COMMD10: variants seen among roughly 807,000 people sequenced by gnomAD.
COMMD10 encodes the protein COMM domain containing 10, also known as COMM domain-containing protein 10.
COMMD10 carries 33 observed loss-of-function variants against 28.9 expected under a neutral mutation model. That is an observed-to-expected ratio of 1.14 (90% CI 0.87 to 1.53). The LOEUF is 1.53. COMMD10 is among the 40% of genes most tolerant of loss of function. The pLI is 0.00. For synonymous variants in COMMD10, 110 were observed against 81.7 expected (o/e 1.35, Z -1.87); for missense variants, 310 against 233.4 (o/e 1.33, Z -2.14).
intron 5 of COMMD10, among the ~76,000 whole-genome samples, chr5:116,143,338 T>A (rs113275824): frequency 8.9e-4 from 135 of 151,834 alleles, no homozygotes; most frequent in African/African-American, 3.1e-3. Flanking sequence ...ATACACAATA[T>A]TAATACACCA....
intron 5 of COMMD10, among the ~76,000 whole-genome samples, chr5:116,229,119 C>T (rs1468404464): frequency 1.3e-5 from 2 of 151,962 alleles, no homozygotes; most frequent in Non-Finnish European, 2.9e-5. Context: ...AATTTATCTA[C>T]TTTAAACATA....
chr5:116,131,577 T>C (rs17138907), intron 4 of COMMD10, among the ~76,000 whole-genome samples: 16,832 of 152,068 alleles, frequency 0.11, 1,054 homozygotes, highest in African/African-American at 0.16. Flanking sequence ...AAAGTTTGTA[T>C]ATGTTATGTG....
At chr5:116,133,864 A>C (rs1016930226) in intron 4 of COMMD10, among the ~76,000 whole-genome samples, 1 of 152,178 alleles carries the variant, frequency 6.6e-6, no homozygotes, top group African/African-American at 2.4e-5. Flanking sequence ...TTTTGCTGTT[A>C]AATTTGACAG....
chr5:116,197,058 A>G (rs1464947170), intron 5 of COMMD10, among the ~76,000 whole-genome samples: 1 of 152,020 alleles, frequency 6.6e-6, no homozygotes, highest in African/African-American at 2.4e-5. Context: ...AAGAAACTTT[A>G]GTGTTTCTGT....
intron 4 of COMMD10, among the ~76,000 whole-genome samples, chr5:116,107,811 T>C (rs1424805619): frequency 1.3e-5 from 2 of 152,230 alleles, no homozygotes; most frequent in Non-Finnish European, 2.9e-5. Context: ...TCCCTATCTT[T>C]GTGGATTTAT....
intron 5 of COMMD10, among the ~76,000 whole-genome samples, chr5:116,280,228 C>G (rs1191530696): frequency 2.6e-5 from 4 of 151,972 alleles, no homozygotes; most frequent in Admixed American, 1.3e-4. Context: ...GTGTACTTTT[C>G]AACATTCTTG....
intron 5 of COMMD10, among the ~76,000 whole-genome samples, chr5:116,258,970 T>TA (rs2112683421): frequency 6.6e-6 from 1 of 151,852 alleles, no homozygotes; most frequent in Non-Finnish European, 1.5e-5. Flanking sequence ...CCTTTTCTCT[T>TA]ACTTTATATT....
At chr5:116,176,403 C>T (rs903329812) in intron 5 of COMMD10, among the ~76,000 whole-genome samples, 3 of 152,152 alleles carry the variant, frequency 2.0e-5, no homozygotes, top group South Asian at 2.1e-4. Flanking sequence ...TGTGAGCCAC[C>T]GTGCTCAGCC....
intron 4 of COMMD10, among the ~76,000 whole-genome samples, chr5:116,104,091 A>C (rs892170526): frequency 9.2e-5 from 14 of 152,178 alleles, no homozygotes; most frequent in African/African-American, 3.4e-4. Context: ...TGATGCCTCC[A>C]GCTTTGTTCT....
chr5:116,163,251 A>C (rs1483753511), intron 5 of COMMD10, among the ~76,000 whole-genome samples: 1 of 148,170 alleles, frequency 6.7e-6, no homozygotes, highest in Non-Finnish European at 1.5e-5. Context: ...TAAAAAAAGT[A>C]TTGGCGTTTT....
At chr5:116,111,302 C>T (rs576159274) in intron 4 of COMMD10, among the ~76,000 whole-genome samples, 3 of 151,940 alleles carry the variant, frequency 2.0e-5, no homozygotes, top group South Asian at 4.2e-4. Flanking sequence ...TTCTTTACTT[C>T]TGCTAATTTT....
rs1052132422 is a variant in COMMD10 at position 116,211,622 on chromosome 5, TATAA to T, written c.510+77451_510+77454del. ...TTATTAGCACATTAATATGGATTTGTATAAATAAATTTCTAGTAACGCTCAAATA... is the reference window on the plus strand; with the variant it reads ...TTATTAGCACATTAATATGGATTTGTATAAATTTCTAGTAACGCTCAAATA... On this transcript the variant is annotated intron_variant, in intron 5 of 6. Transcript: ENST00000274458. 2.6e-4 allele frequency among the ~76,000 whole-genome samples: 40 copies of T among 152,270 alleles called. 1 individual carries two copies. The highest frequency in any genetic ancestry group is 9.1e-4 in the African/African-American group (38 of 41,574).
At chr5:116,272,240 G>A (rs1352755606) in intron 5 of COMMD10, among the ~76,000 whole-genome samples, 1 of 151,684 alleles carries the variant, frequency 6.6e-6, no homozygotes, top group African/African-American at 2.4e-5. Flanking sequence ...AAAAAAATGG[G>A]TATTCTTTAT....
intron 5 of COMMD10, among the ~76,000 whole-genome samples, chr5:116,167,856 T>A (rs1280100298): frequency 6.6e-6 from 1 of 152,102 alleles, no homozygotes; most frequent in Non-Finnish European, 1.5e-5. Context: ...AAGGAAAAAC[T>A]GGTACCAGCC....
At chr5:116,177,333 G>A (rs1374692198) in intron 5 of COMMD10, among the ~76,000 whole-genome samples, 6 of 152,122 alleles carry the variant, frequency 3.9e-5, no homozygotes, top group African/African-American at 1.4e-4. Context: ...ACATGTAAAT[G>A]TAAATGCTCT....
At chr5:116,206,134 A>G (rs1398758013) in intron 5 of COMMD10, among the ~76,000 whole-genome samples, 1 of 152,164 alleles carries the variant, frequency 6.6e-6, no homozygotes, top group East Asian at 1.9e-4. Flanking sequence ...GGAGCTTCAT[A>G]TTTAGTTTAT....
chr5:116,292,531 C>A lies in COMMD10; in HGVS notation c.*42C>A. The stretch of plus-strand genomic sequence containing the variant: ...TTTTTTCATCACGCTCCTGCCACCT[C>A]ATTATTTTGCATTGAAGATACATTG... On this transcript the variant is annotated 3_prime_UTR_variant, in exon 7 of 7. Coordinates refer to ENST00000274458, the MANE Select transcript of COMMD10 (RefSeq NM_016144.4). 1 of 1,512,314 alleles carries A rather than the reference C, an allele frequency of 6.6e-7. No homozygotes were observed. 93.7% of individuals were successfully genotyped at this position (1,512,314 alleles called of 1,614,324 possible).
At chr5:116,151,384 A>AG (rs1752522303) in intron 5 of COMMD10, among the ~76,000 whole-genome samples, 1 of 152,078 alleles carries the variant, frequency 6.6e-6, no homozygotes, top group South Asian at 2.1e-4. Flanking sequence ...AAAATGAGTT[A>AG]GGGAGGATTC....
At chr5:116,160,040 C>T (rs10478285) in intron 5 of COMMD10, among the ~76,000 whole-genome samples, 48,741 of 151,978 alleles carry the variant, frequency 0.32, 11,106 homozygotes, top group African/African-American at 0.65. Flanking sequence ...TGTTGATATG[C>T]GAGACACTTA....
Sources: gnomAD v4.1 joint callset for allele counts (sites outside exome capture counted in the v4.1 genomes callset) on GRCh38, gnomAD v4.1.1 for gene constraint, MANE v1.5 for transcripts, NCBI Gene and HGNC (gene_info 2026-07-23, HGNC 2026-07-21) for gene names.